Variants in SYN3 observed in about 807,000 individuals in gnomAD.
SYN3 encodes synapsin III.
Under a neutral mutation model 65.8 loss-of-function variants are expected in SYN3, and 35 were observed. The observed-to-expected ratio is 0.53, with a 90% CI of 0.41 to 0.70. SYN3 has a LOEUF of 0.70. SYN3 is among the 30% of genes least tolerant of loss of function. SYN3 has a pLI of 0.00. For synonymous variants in SYN3, 270 were observed against 292.9 expected (o/e 0.92, Z 0.80); for missense variants, 680 against 749.0 (o/e 0.91, Z 1.08).
chr22:32,522,320 A>G (rs2057898450), intron 12 of SYN3, among the ~76,000 whole-genome samples: 1 of 152,158 alleles, frequency 6.6e-6, no homozygotes, highest in South Asian at 2.1e-4. Context: ...ACTCACTAAA[A>G]GTGTGTTTAG....
intron 7 of SYN3, among the ~76,000 whole-genome samples, chr22:32,579,274 G>T (rs1199397728): frequency 6.6e-6 from 1 of 152,214 alleles, no homozygotes; most frequent in Non-Finnish European, 1.5e-5. Flanking sequence ...GTCTTAGTCT[G>T]TCTGGGCTGC....
intron 6 of SYN3, among the ~76,000 whole-genome samples, chr22:32,598,300 C>A (rs1299593389): frequency 6.6e-6 from 1 of 152,160 alleles, no homozygotes; most frequent in Non-Finnish European, 1.5e-5. Flanking sequence ...CATTTTACCC[C>A]CACACTGGCC....
chr22:32,802,081 C>A, intron 6 of SYN3: 1 of 1,578,138 alleles, frequency 6.3e-7, no homozygotes. Context: ...TGCACATGCT[C>A]GCCCAGCCAC....
At chr22:32,939,729 T>C (rs758253558) in intron 3 of SYN3, among the ~76,000 whole-genome samples, 2 of 152,226 alleles carry the variant, frequency 1.3e-5, no homozygotes. Flanking sequence ...TGTCTGAATA[T>C]TCAATAATGT....
chr22:33,029,467 G>A (rs1383817443), intron 1 of SYN3, among the ~76,000 whole-genome samples: 1 of 152,110 alleles, frequency 6.6e-6, no homozygotes, highest in African/African-American at 2.4e-5. Context: ...ACAGGTGTGA[G>A]CCACCATGCC....
intron 6 of SYN3, among the ~76,000 whole-genome samples, chr22:32,789,724 A>G (rs2046276369): frequency 6.6e-6 from 1 of 152,210 alleles, no homozygotes; most frequent in South Asian, 2.1e-4. Flanking sequence ...ACTGGGTATC[A>G]GTATTGGTTA....
intron 6 of SYN3, among the ~76,000 whole-genome samples, chr22:32,721,128 T>C (rs564143141): frequency 1.8e-4 from 27 of 152,280 alleles, no homozygotes; most frequent in African/African-American, 6.5e-4. Flanking sequence ...AGGAAACCCA[T>C]TTACACCCTT....
intron 4 of SYN3, among the ~76,000 whole-genome samples, chr22:32,872,923 C>T (rs1036158852): frequency 6.7e-6 from 1 of 148,506 alleles, no homozygotes; most frequent in Non-Finnish European, 1.5e-5. Context: ...TTGGGTGCAA[C>T]GTGCCCTAAG....
At chr22:32,845,186 T>C (rs1247327663) in intron 6 of SYN3, among the ~76,000 whole-genome samples, 1 of 152,094 alleles carries the variant, frequency 6.6e-6, no homozygotes, top group Non-Finnish European at 1.5e-5. Context: ...CCTTGGAGAC[T>C]AGTCCTCTAG....
rs535027590 is a variant in SYN3, at chr22:32,782,870, G to A, written c.711+82045C>T. ...GGCTTCCCTCAGCCTATGGATCTGC[G>A]CCCTGAAGGATGAACAGGAATTAGT... On this transcript the variant is annotated intron_variant, in intron 6 of 13. Coordinates refer to ENST00000358763, the MANE Select transcript of SYN3 (RefSeq NM_003490.4). Among the ~76,000 whole-genome samples, 12 of 152,266 alleles carry A rather than the reference G, an allele frequency of 7.9e-5. No homozygotes were observed. In the East Asian group the frequency reaches 1.5e-3, roughly 20 times the overall value.
At chr22:32,577,920 T>G (rs1385890156) in intron 7 of SYN3, among the ~76,000 whole-genome samples, 1 of 152,238 alleles carries the variant, frequency 6.6e-6, no homozygotes, top group East Asian at 1.9e-4. Context: ...GGTGTCTTTC[T>G]TTTTCAGAGC....
At chr22:32,793,087 A>G (rs1290929156) in intron 6 of SYN3, among the ~76,000 whole-genome samples, 4 of 152,242 alleles carry the variant, frequency 2.6e-5, no homozygotes, top group Non-Finnish European at 5.9e-5. Flanking sequence ...TGTACATAGT[A>G]GGTATTCAAC....
At chr22:32,528,366 A>AG (rs557828977) in intron 11 of SYN3, among the ~76,000 whole-genome samples, 10 of 152,064 alleles carry the variant, frequency 6.6e-5, no homozygotes, top group Non-Finnish European at 1.5e-4. Flanking sequence ...AAAGCTGGGG[A>AG]GCTGGCAAAT....
In SYN3 at chr22:32,528,896, G is replaced by A. The variant is rs745749577; in HGVS notation, c.1208C>T (p.Ala403Val). Residue 403 changes from alanine to valine, a missense_variant, in exon 11 of 14, where the codon GCG becomes GTG. Coordinates refer to ENST00000358763, the MANE Select transcript of SYN3 (RefSeq NM_003490.4). Reference protein sequence around the residue: ...MSQLPMPGGTAPSPLRPWAPQ... With the variant: ...MSQLPMPGGTVPSPLRPWAPQ... ...TACCCAAGGTCTGAGGGGGGAGGGC[G>A]CTGTGCCTCCTGGCATCGGGAGCTG... The A allele has an allele frequency of 5.6e-5, 90 of 1,613,994 alleles. No individual in the cohort carries two copies. Among genetic ancestry groups the A allele is most frequent in the Non-Finnish European group, 7.0e-5 (83 of 1,180,040 alleles).
chr22:32,889,115 CTA>C (rs1261949137), intron 4 of SYN3, among the ~76,000 whole-genome samples: 1 of 152,240 alleles, frequency 6.6e-6, no homozygotes, highest in African/African-American at 2.4e-5. Flanking sequence ...AATCTGAAGT[CTA>C]TTAGTGCCTG....
intron 7 of SYN3, among the ~76,000 whole-genome samples, chr22:32,559,363 G>A (rs972936543): frequency 2.6e-5 from 4 of 152,210 alleles, no homozygotes; most frequent in Admixed American, 6.5e-5. Context: ...AGAGATGAGT[G>A]CTACTGTTAG....
intron 1 of SYN3, among the ~76,000 whole-genome samples, chr22:33,031,336 C>T (rs1325550536): frequency 2.0e-5 from 3 of 152,174 alleles, no homozygotes; most frequent in Non-Finnish European, 4.4e-5. Context: ...GGTGTTCAAA[C>T]TAAAAATGTA....
At chr22:33,013,187 C>A (rs955522883) in intron 1 of SYN3, among the ~76,000 whole-genome samples, 1 of 152,144 alleles carries the variant, frequency 6.6e-6, no homozygotes, top group Admixed American at 6.5e-5. Context: ...CACCTCTTAC[C>A]ATCTTTTGAC....
intron 6 of SYN3, among the ~76,000 whole-genome samples, chr22:32,726,802 G>T (rs2061200854): frequency 6.6e-6 from 1 of 152,130 alleles, no homozygotes; most frequent in Non-Finnish European, 1.5e-5. Context: ...TGACACTCTT[G>T]TTTCAGCTGA....
Sources: gnomAD v4.1 joint callset for allele counts (sites outside exome capture counted in the v4.1 genomes callset) on GRCh38, gnomAD v4.1.1 for gene constraint, MANE v1.5 for transcripts, NCBI Gene and HGNC (gene_info 2026-07-23, HGNC 2026-07-21) for gene names.